The following SAP130 variants were observed in gnomAD, a reference collection of about 807,000 sequenced individuals.
The protein encoded by SAP130 is histone deacetylase complex subunit SAP130.
SAP130 carries 16 observed loss-of-function variants against 103.2 expected under a neutral mutation model. That is an observed-to-expected ratio of 0.16 (90% CI 0.10 to 0.24). SAP130 has a LOEUF of 0.24. SAP130 is among the 10% of genes least tolerant of loss of function. The probability of loss-of-function intolerance (pLI) is 1.00; values close to 1 mark genes in which losing one functional copy is unlikely to be tolerated. For missense variants in SAP130, 990 were observed against 1,359.7 expected (o/e 0.73, Z 4.28); for synonymous variants, 477 against 497.0 (o/e 0.96, Z 0.53).
intron 2 of SAP130, among the ~76,000 whole-genome samples, chr2:128,021,446 CA>C (rs774054953): frequency 1.5e-3 from 104 of 71,626 alleles, no homozygotes; most frequent in East Asian, 4.2e-3. Flanking sequence ...GACTCCATCT[CA>C]AAAAAAAAAA....
chr2:127,953,644 C>G lies in SAP130; in HGVS notation c.2422+1342G>C, dbSNP rs1679640988. Among the ~76,000 whole-genome samples the G allele has an allele frequency of 6.6e-6, 1 of 152,300 alleles. No individual in the cohort carries two copies. Among genetic ancestry groups the G allele is most frequent in the Middle Eastern group, 3.4e-3 (1 of 294 alleles). On this transcript the variant is annotated intron_variant, in intron 16 of 20. Coordinates refer to ENST00000643581, the MANE Select transcript of SAP130 (RefSeq NM_001330301.2). This position sits in a 1 kb window ranked among gnomAD's most constrained non-coding sequence, Gnocchi z 4.0. ...GTTCTTTGCTATATTTTGAGCACAT[C>G]ACGCATGCTCCTATCTCAAGATTTT...
intron 2 of SAP130, among the ~76,000 whole-genome samples, chr2:128,023,379 G>A (rs955831999): frequency 3.9e-5 from 6 of 152,188 alleles, no homozygotes; most frequent in Non-Finnish European, 8.8e-5. Context: ...TGAGCTCAAA[G>A]CGATCCACCT....
At chr2:128,000,217 C>A in intron 8 of SAP130, 71 bp from the exon 9 acceptor site, 1 of 1,606,196 alleles carries the variant, frequency 6.2e-7, no homozygotes, top group South Asian at 1.1e-5. Context: ...ACAATCAATG[C>A]CTTCGGTATC....
chr2:127,988,841 GA>G (rs1357532177), intron 13 of SAP130, among the ~76,000 whole-genome samples: 1 of 152,164 alleles, frequency 6.6e-6, no homozygotes, highest in Non-Finnish European at 1.5e-5. Flanking sequence ...GACAGAGTGA[GA>G]ATCTGTCTCA....
At chr2:128,016,645 C>T (rs1362299509) in intron 3 of SAP130, 98 bp from the exon 4 acceptor site, 50 of 1,342,998 alleles carry the variant, frequency 3.7e-5, no homozygotes, top group Non-Finnish European at 4.5e-5. Context: ...CTGGAAAGTG[C>T]CAGGAAAGAT....
intron 15 of SAP130, among the ~76,000 whole-genome samples, chr2:127,965,804 G>A (rs1054752344): frequency 1.3e-5 from 2 of 150,466 alleles, no homozygotes; most frequent in African/African-American, 4.9e-5. Flanking sequence ...GAGAGAGAGA[G>A]AAAAAGAAAA....
chr2:128,001,139 A>G (rs932773915), intron 7 of SAP130, among the ~76,000 whole-genome samples: 32 of 152,354 alleles, frequency 2.1e-4, no homozygotes, highest in African/African-American at 7.5e-4. Flanking sequence ...TGGCTGCCTC[A>G]GGATTGGAAG....
At chr2:128,005,210 C>T (rs557160918) in intron 7 of SAP130, among the ~76,000 whole-genome samples, 102 of 152,126 alleles carry the variant, frequency 6.7e-4, no homozygotes, top group African/African-American at 2.4e-3. Flanking sequence ...TCAGCAGTTT[C>T]AAGAATGAAG....
At chr2:127,975,508 G>C (rs970153351) in intron 15 of SAP130, among the ~76,000 whole-genome samples, 1 of 152,150 alleles carries the variant, frequency 6.6e-6, no homozygotes, top group African/African-American at 2.4e-5. Context: ...ACTGCATCAG[G>C]AAAGCCACCT....
intron 14 of SAP130, among the ~76,000 whole-genome samples, chr2:127,981,557 C>A (rs1455035149): frequency 1.0e-5 from 1 of 97,598 alleles, no homozygotes. Flanking sequence ...TCCTCCTGCA[C>A]CCCTGACTCA....
rs1679651112 is a variant in SAP130 at position 127,953,805 on chromosome 2, C to T, written c.2422+1181G>A. Among the ~76,000 whole-genome samples, 1 of 152,156 alleles carries T rather than the reference C, an allele frequency of 6.6e-6. No homozygotes were observed. Among genetic ancestry groups the T allele is most frequent in the South Asian group, 2.1e-4 (1 of 4,834 alleles). ...CTCCTAAAACTCTTTACACACATTC[C>T]AGCCCTGGCTACAGCTTTCCTTATA... On this transcript the variant is annotated intron_variant, in intron 16 of 20. Coordinates refer to ENST00000643581, the MANE Select transcript of SAP130 (RefSeq NM_001330301.2). The surrounding 1 kb of genome is among the most constrained non-coding windows in gnomAD (Gnocchi z 4.0).
At chr2:128,025,962 C>G (rs1034435003) in intron 2 of SAP130, among the ~76,000 whole-genome samples, 1 of 152,124 alleles carries the variant, frequency 6.6e-6, no homozygotes, top group Non-Finnish European at 1.5e-5. Context: ...CTTACAGGCA[C>G]GCTTTGCTAT....
At chr2:127,987,889 G>GATC (rs1297888214) in intron 13 of SAP130, among the ~76,000 whole-genome samples, 8 of 152,140 alleles carry the variant, frequency 5.3e-5, no homozygotes, top group Non-Finnish European at 1.2e-4. Flanking sequence ...GTGAGCATGA[G>GATC]ATCATAATCA....
chr2:128,011,356 C>T (rs529335532), intron 6 of SAP130, among the ~76,000 whole-genome samples: 1 of 152,368 alleles, frequency 6.6e-6, no homozygotes, highest in East Asian at 1.9e-4. Context: ...GCTTCATCCA[C>T]ATACCCACCA....
chr2:127,944,043 CTTTT>C (rs201636013), intron 19 of SAP130, among the ~76,000 whole-genome samples: 3 of 151,608 alleles, frequency 2.0e-5, no homozygotes, highest in Non-Finnish European at 4.4e-5. Context: ...TGTTTTCTTC[CTTTT>C]TTTTGAGAGT....
intron 2 of SAP130, among the ~76,000 whole-genome samples, chr2:128,020,794 T>C (rs1375020479): frequency 6.6e-6 from 1 of 150,626 alleles, no homozygotes; most frequent in Non-Finnish European, 1.5e-5. Context: ...AGGTCAGGAG[T>C]TCAAGACCAT....
intron 15 of SAP130, among the ~76,000 whole-genome samples, chr2:127,966,455 C>T (rs1214871781): frequency 2.0e-5 from 3 of 151,296 alleles, no homozygotes; most frequent in African/African-American, 7.3e-5. Context: ...GTAATCCTAG[C>T]ACTCTGGGAG....
At chr2:127,994,568 G>A (rs905221133) in intron 11 of SAP130, among the ~76,000 whole-genome samples, 3 of 152,110 alleles carry the variant, frequency 2.0e-5, no homozygotes, top group African/African-American at 7.2e-5. Flanking sequence ...CTACAGCCTG[G>A]GCAACAGTGT....
At chr2:128,010,950 TG>T (rs1684349360) in intron 6 of SAP130, among the ~76,000 whole-genome samples, 1 of 130,902 alleles carries the variant, frequency 7.6e-6, no homozygotes, top group South Asian at 2.5e-4. Context: ...ACAAGTGTTT[TG>T]AAAAAAAAAA....
Sources: gnomAD v4.1 joint callset for allele counts (sites outside exome capture counted in the v4.1 genomes callset) on GRCh38, gnomAD v4.1.1 for gene constraint, Gnocchi (gnomAD v3.1) non-coding constraint, MANE v1.5 for transcripts, NCBI Gene and HGNC (gene_info 2026-07-23, HGNC 2026-07-21) for gene names.